The following MLLT3 variants were observed in gnomAD, a reference collection of about 807,000 sequenced individuals.
MLLT3 encodes the protein MLLT3 super elongation complex subunit.
Under a neutral mutation model 53.2 loss-of-function variants are expected in MLLT3, and 4 were observed. The ratio of observed to expected loss-of-function variants is 0.08; its 90% confidence interval spans 0.04 to 0.17. The LOEUF is 0.17. MLLT3 is among the 10% of genes least tolerant of loss of function. The probability of loss-of-function intolerance (pLI) is 1.00; values close to 1 mark genes in which losing one functional copy is unlikely to be tolerated. For missense variants in MLLT3, 569 were observed against 684.0 expected (o/e 0.83, Z 1.87); for synonymous variants, 283 against 230.6 (o/e 1.23, Z -2.06).
intron 2 of MLLT3, among the ~76,000 whole-genome samples, chr9:20,568,218 G>C (rs1393124615): frequency 6.6e-6 from 1 of 152,122 alleles, no homozygotes; most frequent in Non-Finnish European, 1.5e-5. Flanking sequence ...AGAGAGGGAG[G>C]AAAGGAGGCT....
intron 2 of MLLT3, among the ~76,000 whole-genome samples, chr9:20,496,258 G>A (rs1387301101): frequency 3.3e-5 from 5 of 152,188 alleles, no homozygotes; most frequent in African/African-American, 1.2e-4. Flanking sequence ...AACATTTCCT[G>A]AATGCTACAG....
At chr9:20,365,928 C>A (rs947318723) in intron 5 of MLLT3, among the ~76,000 whole-genome samples, 184 bp from the exon 6 acceptor site, 3 of 152,088 alleles carry the variant, frequency 2.0e-5, no homozygotes, top group African/African-American at 7.2e-5. Flanking sequence ...TTATTAGATG[C>A]AGAAACAAGT....
At chr9:20,513,812 T>C (rs1817828156) in intron 2 of MLLT3, among the ~76,000 whole-genome samples, 1 of 152,164 alleles carries the variant, frequency 6.6e-6, no homozygotes, top group African/African-American at 2.4e-5. Context: ...GTGAAACAAG[T>C]TACACCTAGA....
intron 2 of MLLT3, among the ~76,000 whole-genome samples, chr9:20,552,323 A>T (rs1818944624): frequency 6.6e-6 from 1 of 152,206 alleles, no homozygotes; most frequent in Non-Finnish European, 1.5e-5. Context: ...CACCCAGTAG[A>T]TACAAGGTAG....
intron 2 of MLLT3, among the ~76,000 whole-genome samples, chr9:20,519,319 G>T (rs1022583859): frequency 1.3e-5 from 2 of 152,124 alleles, no homozygotes; most frequent in Non-Finnish European, 1.5e-5. Context: ...AGAGGAAATC[G>T]AGTGAGGAGT....
At chr9:20,496,032 G>A (rs756167369) in intron 2 of MLLT3, among the ~76,000 whole-genome samples, 13 of 152,050 alleles carry the variant, frequency 8.5e-5, no homozygotes, top group Non-Finnish European at 1.6e-4. Context: ...CTTTCCATAG[G>A]TTTGCCCAAT....
intron 6 of MLLT3, among the ~76,000 whole-genome samples, chr9:20,363,941 T>C (rs918323741): frequency 6.6e-6 from 1 of 152,218 alleles, no homozygotes; most frequent in Non-Finnish European, 1.5e-5. Context: ...GGTTAATCCA[T>C]GTATTGAGAA....
At chr9:20,524,934 G>A (rs1818160638) in intron 2 of MLLT3, among the ~76,000 whole-genome samples, 1 of 152,028 alleles carries the variant, frequency 6.6e-6, no homozygotes, top group Non-Finnish European at 1.5e-5. Flanking sequence ...TCAGAAGGGA[G>A]CAGGAACCCT....
At chr9:20,543,036 C>A (rs1818683446) in intron 2 of MLLT3, among the ~76,000 whole-genome samples, 1 of 152,232 alleles carries the variant, frequency 6.6e-6, no homozygotes, top group South Asian at 2.1e-4. Flanking sequence ...CCTCACTCCT[C>A]TCAGCCTTCA....
intron 2 of MLLT3, among the ~76,000 whole-genome samples, chr9:20,573,255 C>A (rs185895683): frequency 4.0e-5 from 6 of 151,188 alleles, no homozygotes; most frequent in Non-Finnish European, 8.8e-5. Flanking sequence ...TTACTGCTCA[C>A]TGCAACCTCA....
intron 2 of MLLT3, among the ~76,000 whole-genome samples, chr9:20,504,672 A>C (rs1229082515): frequency 6.6e-6 from 1 of 152,106 alleles, no homozygotes; most frequent in Non-Finnish European, 1.5e-5. Flanking sequence ...TTATTGTACA[A>C]TATGGTGACT....
At chr9:20,511,382 C>T (rs1825530072) in intron 2 of MLLT3, among the ~76,000 whole-genome samples, 1 of 151,948 alleles carries the variant, frequency 6.6e-6, no homozygotes, top group African/African-American at 2.4e-5. Flanking sequence ...ATTGCAATAC[C>T]TTTTCTTCAA....
At chr9:20,605,855 A>G (rs10964636) in intron 2 of MLLT3, among the ~76,000 whole-genome samples, 8,058 of 152,164 alleles carry the variant, frequency 0.053, 322 homozygotes, top group South Asian at 0.13. Context: ...TCAACTATTA[A>G]GCATTTGAAG....
At chr9:20,367,923 T>C (rs1821499560) in intron 5 of MLLT3, among the ~76,000 whole-genome samples, 1 of 152,206 alleles carries the variant, frequency 6.6e-6, no homozygotes, top group African/African-American at 2.4e-5. Flanking sequence ...CTCTACCAAC[T>C]TGGACACAAG....
intron 2 of MLLT3, among the ~76,000 whole-genome samples, chr9:20,509,940 C>G (rs1305698157): frequency 6.6e-6 from 1 of 151,540 alleles, no homozygotes; most frequent in Non-Finnish European, 1.5e-5. Flanking sequence ...TTCCTGGAAG[C>G]TCAGGTTCTT....
chr9:20,572,213 G>T (rs570792330), intron 2 of MLLT3, among the ~76,000 whole-genome samples: 3 of 152,304 alleles, frequency 2.0e-5, no homozygotes, highest in Middle Eastern at 3.4e-3. Flanking sequence ...AGGGACAGAG[G>T]GGTGGAGGAA....
intron 9 of MLLT3, among the ~76,000 whole-genome samples, chr9:20,354,419 T>C (rs1014027632): frequency 6.6e-6 from 1 of 152,158 alleles, no homozygotes; most frequent in Non-Finnish European, 1.5e-5. Flanking sequence ...CCCCACCAGG[T>C]GTTGTAGTCA....
rs1372873858 is a variant in MLLT3, at chr9:20,343,955, A to T, written c.*2488T>A. 2 of 203,978 alleles carry T rather than the reference A, an allele frequency of 9.8e-6. No homozygotes were observed. The allele number at this position is 203,978 out of a possible 1,614,324, so 12.6% of individuals were successfully genotyped here. A position where few individuals can be genotyped will look rare whatever the true frequency, so the allele number is the denominator to read the frequency against. On this transcript the variant is annotated 3_prime_UTR_variant, in exon 11 of 11. Transcript: ENST00000380338. ...TGTATTTAAAAATTAGATGAGAGCA[A>T]GATTACCACTTCAAAAAAAATAACG...
intron 5 of MLLT3, among the ~76,000 whole-genome samples, chr9:20,394,203 G>T (rs1318232677): frequency 3.3e-5 from 5 of 152,122 alleles, no homozygotes; most frequent in Admixed American, 6.6e-5. Flanking sequence ...AAAGAAAAAG[G>T]TCCAGGGTTG....
Sources: gnomAD v4.1 joint callset for allele counts (sites outside exome capture counted in the v4.1 genomes callset) on GRCh38, gnomAD v4.1.1 for gene constraint, MANE v1.5 for transcripts, NCBI Gene and HGNC (gene_info 2026-07-23, HGNC 2026-07-21) for gene names.